Variants in KLHL35 observed in about 807,000 individuals in gnomAD.
KLHL35 encodes the protein kelch like family member 35.
A neutral mutation model predicts 44.0 loss-of-function variants in KLHL35; 50 were observed. The observed-to-expected ratio is 1.14, with a 90% CI of 0.91 to 1.44. KLHL35 has a LOEUF of 1.44. Ranked by LOEUF, KLHL35 falls within the 40% of genes most tolerant of loss-of-function variation. The pLI, the probability that KLHL35 is intolerant of heterozygous loss-of-function variation, is 0.00. For synonymous variants in KLHL35, 470 were observed against 410.4 expected, an observed-to-expected ratio of 1.15 and a Z score of -1.76; for missense variants, 1,049 against 887.8, an observed-to-expected ratio of 1.18 and a Z score of -2.31.
Position 75,429,829 on chromosome 11 carries a change from C to T in KLHL35, c.801G>A (p.Glu267=). 4 of 1,512,526 alleles carry T rather than the reference C, an allele frequency of 2.6e-6. No homozygotes were observed. Among genetic ancestry groups the T allele is most frequent in the Non-Finnish European group, 2.6e-6 (3 of 1,137,886 alleles). The allele number at this position is 1,512,526 out of a possible 1,614,324, so 93.7% of individuals were successfully genotyped here. ...EADELLQACG[E]CRPLLLEARA... ...GAGCCTCGAGCAGCAGCGGGCGGCA[C>T]TCGCCGCAGGCCTGCAGCAGCTCGT... Residue 267 remains glutamate, a synonymous_variant, in exon 2 of 7, where the codon GAG becomes GAA. Coordinates refer to ENST00000539798, the MANE Select transcript of KLHL35 (RefSeq NM_001039548.3).
rs752800685 is a variant in KLHL35, at chr11:75,423,829, G to A, written c.1426C>T (p.Pro476Ser). ...EDRWSLRSPA[P>S]FSQRCLEAVS... ...GCCTCGAGACACCGCTGTGAGAAGG[G>A]TGCTGGTGACCGCAGGCTCCACCGG... Residue 476 changes from proline to serine, a missense_variant, in exon 6 of 7, where the codon CCC becomes TCC. Physicochemically the swap from Pro to Ser is moderately conservative, Grantham distance 74. Coordinates refer to ENST00000539798, the MANE Select transcript of KLHL35 (RefSeq NM_001039548.3). The A allele has an allele frequency of 5.0e-6, 8 of 1,613,766 alleles. No individual in the cohort carries two copies. The highest frequency in any genetic ancestry group is 1.3e-5 in the African/African-American group (1 of 74,898).
chr11:75,426,643 GGA>G lies in KLHL35; in HGVS notation c.1067-7_1067-6del. The G allele has an allele frequency of 6.4e-7, 1 of 1,570,474 alleles. No homozygotes were observed. Among genetic ancestry groups the G allele is most frequent in the South Asian group, 1.2e-5 (1 of 86,930 alleles). On this transcript the variant is annotated splice_polypyrimidine_tract_variant and splice_region_variant and intron_variant, in intron 3 of 6. Transcript: ENST00000539798. ...CATGACTGTTGATGTGGCCTCCTAG[GGA>G]GAGAGAAGCAGCTGTTGCCCATCGG...
At chr11:75,427,187 A>T (rs181418444) in intron 3 of KLHL35, among the ~76,000 whole-genome samples, 2 of 152,316 alleles carry the variant, frequency 1.3e-5, no homozygotes, top group East Asian at 3.9e-4. Flanking sequence ...AGACTTAGAG[A>T]CCAACAATGA....
chr11:75,431,505 T>A (rs1192366055), intron 1 of KLHL35, among the ~76,000 whole-genome samples: 1 of 152,038 alleles, frequency 6.6e-6, no homozygotes, highest in Non-Finnish European at 1.5e-5. Context: ...AGGGGAACCT[T>A]CCAGCTGAGA....
chr11:75,423,967 G>T, intron 5 of KLHL35, 87 bp from the exon 6 acceptor site: 1 of 1,083,072 alleles, frequency 9.2e-7, no homozygotes, highest in Non-Finnish European at 1.3e-6. Context: ...TCTCCCCCCG[G>T]GGGCACTCAT....
In KLHL35 at chr11:75,430,323, G is replaced by GCGCCGC; in HGVS notation, c.301_306dup (p.Ala101_Ala102dup). On this transcript the variant is annotated inframe_insertion, in exon 2 of 7. Coordinates refer to ENST00000539798, the MANE Select transcript of KLHL35 (RefSeq NM_001039548.3). ...TACACGTAGTCGAGCACCACGGCCA[G>GCGCCGC]CGCCGCCGCCGCCCCGGCCGGGCTC... 7.9e-7 allele frequency: 1 copy of GCGCCGC among 1,265,272 alleles called. No homozygotes were observed. Among genetic ancestry groups the GCGCCGC allele is most frequent in the East Asian group, 3.7e-5 (1 of 26,878 alleles). 78.4% of individuals were successfully genotyped at this position (1,265,272 alleles called of 1,614,324 possible).
intron 3 of KLHL35, among the ~76,000 whole-genome samples, chr11:75,426,997 G>C (rs1185040052): frequency 6.6e-6 from 1 of 152,168 alleles, no homozygotes; most frequent in African/African-American, 2.4e-5. Flanking sequence ...GCAAGCATCT[G>C]GAATGTACTG....
In KLHL35 at chr11:75,430,290, C is replaced by G. The variant is rs1948525151; in HGVS notation, c.340G>C (p.Gly114Arg). The change falls in exon 2 of 7, where the codon GGC becomes CGC. Residue 114 changes from glycine (G) to arginine (R), a missense_variant. Physicochemically the swap from Gly to Arg is moderately radical, Grantham distance 125. Coordinates refer to ENST00000539798, the MANE Select transcript of KLHL35 (RefSeq NM_001039548.3). ...AVVLDYVYGA[G>R]VRLRAEDEAA... Reference sequence around the variant, plus strand: ...TCGTCCTCCGCGCGCAGCCGCACGCCCGCTCCGTACACGTAGTCGAGCACC... The same window carrying G: ...TCGTCCTCCGCGCGCAGCCGCACGCGCGCTCCGTACACGTAGTCGAGCACC... 3.3e-6 allele frequency: 4 copies of G among 1,223,660 alleles called. No homozygotes were observed. The East Asian group carries it at 1.6e-4, about 48-fold the overall frequency. 75.8% of individuals were successfully genotyped at this position (1,223,660 alleles called of 1,614,324 possible).
chr11:75,432,214 C>T (rs1948542402), intron 1 of KLHL35, among the ~76,000 whole-genome samples: 1 of 152,210 alleles, frequency 6.6e-6, no homozygotes, highest in South Asian at 2.1e-4. Context: ...CCTCCTGCTC[C>T]CAGCTGCTCT....
In KLHL35 at chr11:75,430,539, G is replaced by A; in HGVS notation, c.91C>T (p.Leu31=). The A allele has an allele frequency of 6.9e-7, 1 of 1,457,374 alleles. No individual in the cohort carries two copies. Among genetic ancestry groups the A allele is most frequent in the Non-Finnish European group, 9.0e-7 (1 of 1,110,340 alleles). The allele number at this position is 1,457,374 out of a possible 1,614,324, so 90.3% of individuals were successfully genotyped here. A position where few individuals can be genotyped will look rare whatever the true frequency, so the allele number is the denominator to read the frequency against. Residue 31 remains leucine, a synonymous_variant, in exon 2 of 7, where the codon CTG becomes TTG. Coordinates refer to ENST00000539798, the MANE Select transcript of KLHL35 (RefSeq NM_001039548.3). ...GTGCCGCTCCGCCGGTAGGCGTTCA[G>A]GGCCTGCAGCACGCGCTGCGCGTGG... ...PCHAQRVLQA[L]NAYRRSGTLT...
Position 75,430,380 on chromosome 11 carries a change from C to T in KLHL35, c.250G>A (p.Val84Met). 7.3e-7 allele frequency: 1 copy of T among 1,363,856 alleles called. No homozygotes were observed. Among genetic ancestry groups the T allele is most frequent in the Non-Finnish European group, 9.5e-7 (1 of 1,055,586 alleles). The allele number at this position is 1,363,856 out of a possible 1,614,324, so 84.5% of individuals were successfully genotyped here. ...RPERGPAVVP[V>M]VPVAPEAPGT... ...GGCGCCTCGGGAGCTACTGGCACCA[C>T]TGGCACCACGGCCGGGCCGCGCTCG... The change falls in exon 2 of 7, where the codon GTG (valine) becomes ATG (methionine). Residue 84 changes from valine to methionine, a missense_variant. Transcript: ENST00000539798.
At chr11:75,423,587 G>C in intron 6 of KLHL35, 105 bp downstream of exon 6, 1 of 866,416 alleles carries the variant, frequency 1.2e-6, no homozygotes, top group Non-Finnish European at 1.8e-6. Flanking sequence ...GCTAGAGAGT[G>C]ATGTATAATA....
chr11:75,430,771 G>A, intron 1 of KLHL35, 141 bp from the exon 2 acceptor site: 1 of 712,860 alleles, frequency 1.4e-6, no homozygotes, highest in Non-Finnish European at 2.0e-6. Context: ...GGTTCCTTAC[G>A]GCTACAGTGC....
rs1335023718 is a variant in KLHL35, at chr11:75,423,827, G to T, written c.1428C>A (p.Pro476=). The T allele has an allele frequency of 2.5e-6, 4 of 1,613,878 alleles. No individual in the cohort carries two copies. The highest frequency in any genetic ancestry group is 1.7e-5 in the Admixed American group (1 of 60,014). ...CAGCCTCGAGACACCGCTGTGAGAA[G>T]GGTGCTGGTGACCGCAGGCTCCACC... The part of the protein sequence containing the change: ...EDRWSLRSPA[P]FSQRCLEAVS... The change falls in exon 6 of 7, where the codon CCC becomes CCA. Residue 476 remains proline (P), a synonymous_variant. Coordinates refer to ENST00000539798, the MANE Select transcript of KLHL35 (RefSeq NM_001039548.3).
At chr11:75,423,580 A>T in intron 6 of KLHL35, 112 bp downstream of exon 6, 1 of 831,550 alleles carries the variant, frequency 1.2e-6, no homozygotes, top group African/African-American at 1.7e-5. Flanking sequence ...AGGATGAGCT[A>T]GAGAGTGATG....
At chr11:75,428,798 C>T in intron 2 of KLHL35, 172 bp from the exon 3 acceptor site, 2 of 571,222 alleles carry the variant, frequency 3.5e-6, no homozygotes. Flanking sequence ...TCCAACTTTG[C>T]CTGTGGGTAC....
At position 75,423,769 on chromosome 11, in the gene KLHL35, C is replaced by A. The variant is rs544434623; in HGVS notation, c.1486G>T (p.Gly496Cys). The A allele has an allele frequency of 5.6e-5, 90 of 1,613,656 alleles. No homozygotes were observed. The highest frequency in any genetic ancestry group is 3.3e-4 in the Middle Eastern group (2 of 6,062). The change falls in exon 6 of 7, where the codon GGT (glycine) becomes TGT (cysteine). Residue 496 changes from glycine to cysteine, a missense_variant. By Grantham distance (159) the Gly-to-Cys change is radical (BLOSUM62 -3). Transcript: ENST00000539798. Reference sequence around the variant, plus strand: ...TAGGTGAAGATTTTGCTCATGAGACCCCCCATGACATAGATGGTGTCCTCA... The same window carrying A: ...TAGGTGAAGATTTTGCTCATGAGACACCCCATGACATAGATGGTGTCCTCA... ...SLEDTIYVMG[G>C]LMSKIFTYDP...
chr11:75,426,711 A>T, intron 3 of KLHL35, 73 bp from the exon 4 acceptor site: 1 of 1,011,484 alleles, frequency 9.9e-7, no homozygotes, highest in Non-Finnish European at 1.5e-6. Context: ...GCTAGAAACT[A>T]GGGCCCCCAG....
Position 75,430,638 on chromosome 11 carries a change from G to T in KLHL35, c.-1-8C>A. ...GCATGGCCTTGCCGCATCCTGCCGG[G>T]GAGAGAACACAAACAGCGTCGGGGA... On this transcript the variant is annotated splice_polypyrimidine_tract_variant and splice_region_variant and intron_variant, in intron 1 of 6. Transcript: ENST00000539798. 1 of 1,360,932 alleles carries T rather than the reference G, an allele frequency of 7.3e-7. No individual in the cohort carries two copies. Among genetic ancestry groups the T allele is most frequent in the Non-Finnish European group, 9.4e-7 (1 of 1,058,860 alleles). The allele number at this position is 1,360,932 out of a possible 1,614,324, so 84.3% of individuals were successfully genotyped here. A position where few individuals can be genotyped will look rare whatever the true frequency, so the allele number is the denominator to read the frequency against.
Sources: allele counts gnomAD v4.1 joint callset (sites outside exome capture counted in the v4.1 genomes callset), GRCh38; gene constraint gnomAD v4.1.1; transcripts MANE v1.5; gene names NCBI Gene and HGNC (gene_info 2026-07-23, HGNC 2026-07-21).